Variants in SLC12A1 observed in about 807,000 individuals in gnomAD.
The protein encoded by SLC12A1 is solute carrier family 12 member 1.
A neutral mutation model predicts 130.4 loss-of-function variants in SLC12A1; 89 were observed. The observed-to-expected ratio is 0.68, with a 90% confidence interval of 0.58 to 0.81. The LOEUF (loss-of-function observed/expected upper bound fraction) is 0.81, where lower values mean the gene tolerates loss of function less well. Ranked by LOEUF, SLC12A1 falls within the 40% of genes least tolerant of loss-of-function variation. SLC12A1 has a pLI of 0.00. For synonymous variants in SLC12A1, 499 were observed against 460.0 expected, an observed-to-expected ratio of 1.08 and a Z score of -1.09; for missense variants, 1,310 against 1,336.4, an observed-to-expected ratio of 0.98 and a Z score of 0.31.
intron 24 of SLC12A1, 144 bp downstream of exon 24, chr15:48,292,008 A>G: frequency 3.3e-6 from 2 of 607,552 alleles, no homozygotes; most frequent in Non-Finnish European, 5.8e-6. Flanking sequence ...TCAAATAAGC[A>G]TGACATGGAA....
intron 14 of SLC12A1, among the ~76,000 whole-genome samples, chr15:48,250,526 T>A (rs1345667074): frequency 1.3e-5 from 2 of 152,136 alleles, no homozygotes; most frequent in Non-Finnish European, 2.9e-5. Flanking sequence ...CATGCCATGT[T>A]ATGGCCACTT....
chr15:48,297,657 G>T (rs917236783), intron 24 of SLC12A1, among the ~76,000 whole-genome samples: 1 of 152,220 alleles, frequency 6.6e-6, no homozygotes, highest in Non-Finnish European at 1.5e-5. Flanking sequence ...TCTCAACCCT[G>T]TGGCTGCTGA....
At chr15:48,300,685 T>C (rs1361947483) in intron 25 of SLC12A1, among the ~76,000 whole-genome samples, 1 of 152,266 alleles carries the variant, frequency 6.6e-6, no homozygotes, top group Non-Finnish European at 1.5e-5. Context: ...GAGCAAATCA[T>C]GCATCTGAGC....
intron 17 of SLC12A1, among the ~76,000 whole-genome samples, chr15:48,260,345 CT>C (rs1476528075): frequency 2.2e-3 from 169 of 76,806 alleles, no homozygotes; most frequent in East Asian, 0.013. Flanking sequence ...CTCTCTCTCT[CT>C]ATCACACACA....
rs761522314 is a variant in SLC12A1, at chr15:48,288,072, C to A, written c.2659C>A (p.His887Asn). Residue 887 changes from histidine (H) to asparagine (N), a missense_variant, in exon 22 of 27, where the codon CAT becomes AAT. By Grantham distance (68) the His-to-Asn change is moderately conservative. Transcript: ENST00000380993. ...DGSINTSQSMHVGEFNQKLVE... is the reference protein window; with the variant it reads ...DGSINTSQSMNVGEFNQKLVE... ...CAGCATTAACACAAGCCAGTCGATG[C>A]ATGTGGGAGAGTTCAACCAGAAACT... is the stretch of plus-strand genomic sequence containing the variant. 1 of 1,610,954 alleles carries A rather than the reference C, an allele frequency of 6.2e-7. No homozygotes were observed. The highest frequency in any genetic ancestry group is 8.5e-7 in the Non-Finnish European group (1 of 1,178,584).
chr15:48,217,692 G>A (rs1019808889), intron 2 of SLC12A1: 4 of 152,228 alleles, frequency 2.6e-5, no homozygotes, highest in Admixed American at 2.0e-4. Context: ...AGAGATGGAA[G>A]ATAAAAGAAG....
At chr15:48,250,674 C>CACACACACACACACACACA (rs1555383559) in intron 14 of SLC12A1, among the ~76,000 whole-genome samples, 3,170 of 56,000 alleles carry the variant, frequency 0.057, 70 homozygotes, top group East Asian at 0.11. Context: ...AAAATGTCTG[C>CACACACACACACACACACA]CTCACACACA....
At chr15:48,290,727 CAT>C (rs1345242834) in intron 23 of SLC12A1, among the ~76,000 whole-genome samples, 2 of 149,812 alleles carry the variant, frequency 1.3e-5, no homozygotes, top group East Asian at 1.9e-4. Context: ...TGCATATATG[CAT>C]ATATGTCTTT....
At chr15:48,255,775 A>G in intron 15 of SLC12A1, 36 bp from the exon 16 acceptor site, 1 of 1,265,188 alleles carries the variant, frequency 7.9e-7, no homozygotes, top group Non-Finnish European at 1.1e-6. Flanking sequence ...AGGAAAGGTC[A>G]GTGTTTTTTA....
Position 48,291,830 on chromosome 15 carries a change from A to G in SLC12A1, c.2926A>G (p.Ile976Val). 6.4e-7 allele frequency: 1 copy of G among 1,572,204 alleles called. No individual in the cohort carries two copies. The highest frequency in any genetic ancestry group is 8.6e-7 in the Non-Finnish European group (1 of 1,157,060). The change falls in exon 24 of 27, where the codon ATC becomes GTC. Residue 976 changes from isoleucine to valine, a missense_variant. By Grantham distance (29) the Ile-to-Val change is conservative (BLOSUM62 3). Transcript: ENST00000380993. ...FRIKFADIHI[I>V]GDINIRPNKE... Reference sequence around the variant, plus strand: ...GATAAAATTTGCAGACATCCATATCATCGGTGACATCAACATTAGGCCAAA... The same window carrying G: ...GATAAAATTTGCAGACATCCATATCGTCGGTGACATCAACATTAGGCCAAA...
At chr15:48,220,877 C>T (rs1183711133) in intron 3 of SLC12A1, 44 bp from the exon 4 acceptor site, 7 of 1,611,716 alleles carry the variant, frequency 4.3e-6, no homozygotes, top group Non-Finnish European at 5.9e-6. Context: ...TTTTGTCCCA[C>T]TATCGTTTGT....
At chr15:48,278,390 A>G (rs2041977080) in intron 20 of SLC12A1, among the ~76,000 whole-genome samples, 1 of 152,230 alleles carries the variant, frequency 6.6e-6, no homozygotes. Flanking sequence ...GGCTTACCCA[A>G]GATTCACAAG....
chr15:48,301,511 G>GGGGGGGC, intron 26 of SLC12A1, 129 bp downstream of exon 26: 1 of 478,130 alleles, frequency 2.1e-6, no homozygotes, highest in Non-Finnish European at 3.5e-6. Flanking sequence ...TTGGGGGGGG[G>GGGGGGGC]AACACGTGGG....
At chr15:48,261,580 T>C (rs745791293) in intron 17 of SLC12A1, among the ~76,000 whole-genome samples, 21 of 152,202 alleles carry the variant, frequency 1.4e-4, no homozygotes, top group Non-Finnish European at 2.8e-4. Context: ...GCTGCAGATG[T>C]TGACAGCATT....
At chr15:48,271,346 G>A (rs2041896752) in intron 19 of SLC12A1, among the ~76,000 whole-genome samples, 1 of 152,176 alleles carries the variant, frequency 6.6e-6, no homozygotes, top group South Asian at 2.1e-4. Flanking sequence ...AAGGTTTCCT[G>A]TGTCTGGGAT....
chr15:48,266,493 G>T (rs1037576365), intron 17 of SLC12A1, among the ~76,000 whole-genome samples: 3 of 144,982 alleles, frequency 2.1e-5, no homozygotes, highest in African/African-American at 7.6e-5. Context: ...TCCAATCTAA[G>T]ACCCTTTAAG....
chr15:48,295,842 TA>T (rs1244752408), intron 24 of SLC12A1, among the ~76,000 whole-genome samples: 1 of 152,218 alleles, frequency 6.6e-6, no homozygotes, highest in Non-Finnish European at 1.5e-5. Flanking sequence ...TATTACCTTA[TA>T]AAACAGTCCA....
chr15:48,219,780 C>T (rs189199938), intron 2 of SLC12A1, among the ~76,000 whole-genome samples: 9 of 151,780 alleles, frequency 5.9e-5, no homozygotes, highest in South Asian at 4.2e-4. Context: ...AGGACGGGCG[C>T]GGTGGCTCAC....
At chr15:48,242,827 T>C (rs2041532981) in intron 10 of SLC12A1, among the ~76,000 whole-genome samples, 1 of 151,448 alleles carries the variant, frequency 6.6e-6, no homozygotes, top group Non-Finnish European at 1.5e-5. Context: ...GGTAGATAAA[T>C]GTATTGTTGG....
Sources: gnomAD v4.1 joint callset for allele counts (sites outside exome capture counted in the v4.1 genomes callset) on GRCh38, gnomAD v4.1.1 for gene constraint, MANE v1.5 for transcripts, NCBI Gene and HGNC (gene_info 2026-07-23, HGNC 2026-07-21) for gene names.